The following SPAG16 variants were observed in gnomAD, a reference collection of about 807,000 sequenced individuals.
SPAG16 encodes the protein sperm-associated antigen 16 protein.
Under a neutral mutation model 80.4 loss-of-function variants are expected in SPAG16, and 86 were observed. The observed-to-expected ratio is 1.07, with a 90% CI of 0.90 to 1.28. SPAG16 has a LOEUF of 1.28. Ranked by LOEUF, SPAG16 falls within the 50% of genes most tolerant of loss-of-function variation. SPAG16 has a pLI of 0.00. For synonymous variants in SPAG16, 294 were observed against 265.9 expected (o/e 1.11, Z -1.03); for missense variants, 870 against 765.3 (o/e 1.14, Z -1.61).
chr2:214,298,139 CAT>C (rs1243780815), intron 15 of SPAG16, among the ~76,000 whole-genome samples: 1 of 35,428 alleles, frequency 2.8e-5, no homozygotes, highest in Non-Finnish European at 6.6e-5. Flanking sequence ...CACACATACA[CAT>C]ACACACACAC....
At chr2:213,864,342 T>C (rs1366748882) in intron 11 of SPAG16, among the ~76,000 whole-genome samples, 4 of 152,144 alleles carry the variant, frequency 2.6e-5, no homozygotes, top group Non-Finnish European at 4.4e-5. Flanking sequence ...GAAAAGATAG[T>C]TAATTAATGA....
At chr2:213,398,523 G>C (rs1002503478) in intron 9 of SPAG16, among the ~76,000 whole-genome samples, 14 of 152,100 alleles carry the variant, frequency 9.2e-5, no homozygotes, top group African/African-American at 3.4e-4. Context: ...CCCACCTTGA[G>C]GCTCTTGCAC....
intron 9 of SPAG16, among the ~76,000 whole-genome samples, chr2:213,387,301 C>T (rs2067475584): frequency 6.6e-6 from 1 of 151,180 alleles, no homozygotes; most frequent in African/African-American, 2.4e-5. Context: ...GGTGAAAAAG[C>T]ACTATTATTA....
intron 13 of SPAG16, among the ~76,000 whole-genome samples, chr2:214,089,722 C>A (rs1167273298): frequency 6.6e-6 from 1 of 151,954 alleles, no homozygotes; most frequent in Non-Finnish European, 1.5e-5. Context: ...AATTTATGAT[C>A]TTCTCTCCCA....
At chr2:213,902,347 A>G (rs940047073) in intron 11 of SPAG16, among the ~76,000 whole-genome samples, 1 of 152,210 alleles carries the variant, frequency 6.6e-6, no homozygotes, top group African/African-American at 2.4e-5. Context: ...GAGACTGGGA[A>G]GAAAAAGAGG....
chr2:213,774,949 T>G (rs994275582), intron 10 of SPAG16, among the ~76,000 whole-genome samples: 1 of 152,196 alleles, frequency 6.6e-6, no homozygotes, highest in East Asian at 1.9e-4. Context: ...CAGCTCCCAT[T>G]CTTCAGCAGG....
intron 10 of SPAG16, among the ~76,000 whole-genome samples, chr2:213,732,129 A>G (rs2067073579): frequency 6.6e-6 from 1 of 152,214 alleles, no homozygotes; most frequent in Admixed American, 6.5e-5. Flanking sequence ...AATTTTCTGC[A>G]TATGGCTAGC....
intron 15 of SPAG16, among the ~76,000 whole-genome samples, chr2:214,287,263 A>T (rs1693435297): frequency 1.3e-5 from 2 of 152,224 alleles, no homozygotes; most frequent in African/African-American, 4.8e-5. Flanking sequence ...TGAAAGTAGA[A>T]ATTACTCTTC....
chr2:213,926,153 T>G (rs1436978379), intron 11 of SPAG16, among the ~76,000 whole-genome samples: 1 of 152,234 alleles, frequency 6.6e-6, no homozygotes, highest in Non-Finnish European at 1.5e-5. Flanking sequence ...TATTGTATCC[T>G]TTATAATTTT....
intron 15 of SPAG16, among the ~76,000 whole-genome samples, chr2:214,181,844 A>G (rs2057316857): frequency 6.9e-6 from 1 of 145,504 alleles, no homozygotes; most frequent in African/African-American, 2.4e-5. Flanking sequence ...GTTGTGGTTG[A>G]AAGGCTCTCT....
rs573121964 is a variant in SPAG16 at position 213,415,739 on chromosome 2, G to C, written c.942+40620G>C. Among the ~76,000 whole-genome samples, 55 of 152,320 alleles carry C rather than the reference G, an allele frequency of 3.6e-4. 1 individual carries two copies. The South Asian group carries it at 0.011, about 30-fold the overall frequency. On this transcript the variant is annotated intron_variant, in intron 9 of 15. Transcript: ENST00000331683. ...GATATTATTAATTGGTTTATGACGT[G>C]AGGGAATTTGGATGTCTTTGGGACA...
chr2:213,638,400 A>G (rs961419874), intron 10 of SPAG16, among the ~76,000 whole-genome samples: 18 of 152,074 alleles, frequency 1.2e-4, no homozygotes, highest in African/African-American at 4.3e-4. Flanking sequence ...CTATTTTCTT[A>G]GCAGGGATTT....
At chr2:213,542,431 A>G (rs551080071) in intron 10 of SPAG16, among the ~76,000 whole-genome samples, 15 of 152,326 alleles carry the variant, frequency 9.8e-5, no homozygotes, top group African/African-American at 3.6e-4. Flanking sequence ...GAAAAATAAG[A>G]AACAAAATAT....
chr2:214,305,552 T>C (rs1013268617), intron 15 of SPAG16, among the ~76,000 whole-genome samples: 2 of 152,144 alleles, frequency 1.3e-5, no homozygotes, highest in African/African-American at 4.8e-5. Flanking sequence ...TTTTTGTATA[T>C]ACTATAAGGA....
At chr2:214,343,759 A>G (rs536364107) in intron 15 of SPAG16, among the ~76,000 whole-genome samples, 1 of 152,288 alleles carries the variant, frequency 6.6e-6, no homozygotes, top group South Asian at 2.1e-4. Flanking sequence ...CAGACTTCAA[A>G]TAAACCATAA....
intron 10 of SPAG16, among the ~76,000 whole-genome samples, chr2:213,665,131 G>A (rs1405797517): frequency 6.6e-6 from 1 of 151,796 alleles, no homozygotes; most frequent in Non-Finnish European, 1.5e-5. Flanking sequence ...GTTCTCTGAT[G>A]GTATCTTTTT....
chr2:213,997,779 CTT>C (rs1269140345), intron 12 of SPAG16, among the ~76,000 whole-genome samples: 6 of 152,096 alleles, frequency 3.9e-5, no homozygotes, highest in Admixed American at 3.9e-4. Flanking sequence ...TTTTAAAAAA[CTT>C]TAGTAATTTA....
chr2:214,125,528 A>T (rs2054431582), intron 14 of SPAG16, among the ~76,000 whole-genome samples: 2 of 151,718 alleles, frequency 1.3e-5, no homozygotes, highest in African/African-American at 4.8e-5. Flanking sequence ...AAAAATGTAG[A>T]ATTTCTAAGA....
chr2:213,802,810 A>G (rs1292579126), intron 10 of SPAG16, among the ~76,000 whole-genome samples: 1 of 152,082 alleles, frequency 6.6e-6, no homozygotes, highest in Non-Finnish European at 1.5e-5. Context: ...TCTTTTTTTA[A>G]TCTTAATGTC....
Sources: gnomAD v4.1 joint callset for allele counts (sites outside exome capture counted in the v4.1 genomes callset) on GRCh38, gnomAD v4.1.1 for gene constraint, MANE v1.5 for transcripts, NCBI Gene and HGNC (gene_info 2026-07-23, HGNC 2026-07-21) for gene names.